LNX1: variants seen among roughly 807,000 people sequenced by gnomAD.
LNX1 encodes E3 ubiquitin-protein ligase LNX.
Under a neutral mutation model 68.4 loss-of-function variants are expected in LNX1, and 54 were observed. The observed-to-expected ratio is 0.79, with a 90% CI of 0.63 to 0.99. The LOEUF is 0.99. LNX1 is among the 50% of genes least tolerant of loss of function. The pLI is 0.00. For synonymous variants in LNX1, 336 were observed against 350.0 expected (o/e 0.96, Z 0.45); for missense variants, 906 against 926.4 (o/e 0.98, Z 0.29).
chr4:53,502,558 A>C (rs1250756844), intron 4 of LNX1, among the ~76,000 whole-genome samples: 2 of 152,196 alleles, frequency 1.3e-5, no homozygotes, highest in African/African-American at 4.8e-5. Context: ...CTGCTGACTG[A>C]TCACAGTGGT....
rs761253950 is a variant in LNX1, at chr4:53,496,266, G to A, written c.1107C>T (p.Ala369=). 11 of 1,613,978 alleles carry A rather than the reference G, an allele frequency of 6.8e-6. No individual in the cohort carries two copies. In the East Asian group the frequency reaches 1.8e-4, roughly 26 times the overall value. Residue 369 remains alanine (A), a synonymous_variant, in exon 6 of 11, where the codon GCC becomes GCT. Transcript: ENST00000263925. ...CATCTCGGGGTCTGTAGGCATCCGG[G>A]GCCTGTCCATTGTTCCTGCTGCGGA... ...QKFRSRNNGQ[A]PDAYRPRDDS...
chr4:53,492,153 T>C (rs950697694), intron 6 of LNX1, among the ~76,000 whole-genome samples: 8 of 152,144 alleles, frequency 5.3e-5, no homozygotes, highest in Non-Finnish European at 1.2e-4. Context: ...AAGAGTATTG[T>C]AGGATAAAGT....
intron 1 of LNX1, chr4:53,579,380 A>G (rs111392206): frequency 3.9e-5 from 21 of 539,872 alleles, no homozygotes; most frequent in African/African-American, 1.6e-4. Flanking sequence ...TTAGAGATAT[A>G]TGGAGCCAAA....
intron 6 of LNX1, among the ~76,000 whole-genome samples, chr4:53,486,891 A>G (rs1301928206): frequency 8.6e-5 from 13 of 151,802 alleles, no homozygotes; most frequent in Admixed American, 8.5e-4. Context: ...ATGAATCCAT[A>G]CAGTGACTAA....
intron 1 of LNX1, among the ~76,000 whole-genome samples, chr4:53,630,824 G>T (rs1467094578): frequency 2.6e-5 from 4 of 152,194 alleles, no homozygotes; most frequent in Admixed American, 2.0e-4. Flanking sequence ...TTCAGAATTT[G>T]CTAATTCAGT....
Position 53,568,299 on chromosome 4 carries a change from T to G in LNX1, c.380+5324A>C, listed in dbSNP as rs1045692531. Among the ~76,000 whole-genome samples, 15 of 151,614 alleles carry G rather than the reference T, an allele frequency of 9.9e-5. No individual in the cohort carries two copies. The East Asian group carries it at 2.7e-3, about 27-fold the overall frequency. ...AGCACATCAAAAAGCTTATCCACCA[T>G]GATCAAGTGGGCTTCATCCCTGGGA... On this transcript the variant is annotated intron_variant, in intron 2 of 10. Coordinates refer to ENST00000263925, the MANE Select transcript of LNX1 (RefSeq NM_001126328.3).
chr4:53,633,561 G>A (rs187297500), intron 1 of LNX1, among the ~76,000 whole-genome samples: 6 of 152,312 alleles, frequency 3.9e-5, no homozygotes, highest in African/African-American at 1.4e-4. Context: ...TTGCCAGCTA[G>A]GCAGAGTTAG....
intron 1 of LNX1, among the ~76,000 whole-genome samples, chr4:53,587,509 T>C (rs17083112): frequency 0.15 from 22,525 of 152,154 alleles, 1,759 homozygotes; most frequent in African/African-American, 0.18. Context: ...ACATAAATAT[T>C]AGGAATAGTT....
chr4:53,605,781 C>A (rs747660089), intron 2 of LNX1, among the ~76,000 whole-genome samples: 1 of 152,122 alleles, frequency 6.6e-6, no homozygotes, highest in Non-Finnish European at 1.5e-5. Context: ...GAATAATATT[C>A]CATTGTACAT....
intron 9 of LNX1, among the ~76,000 whole-genome samples, chr4:53,474,347 A>C (rs1221459368): frequency 6.6e-6 from 1 of 152,224 alleles, no homozygotes. Flanking sequence ...TGGTTTTATA[A>C]GTAAAATTTT....
chr4:53,591,193 G>T (rs1732484473), intron 1 of LNX1, among the ~76,000 whole-genome samples, 195 bp downstream of exon 1: 1 of 152,156 alleles, frequency 6.6e-6, no homozygotes, highest in South Asian at 2.1e-4. Flanking sequence ...TATCTGGCCT[G>T]GGAGAAGTTT....
chr4:53,639,282 G>A (rs1013000563), intron 1 of LNX1, among the ~76,000 whole-genome samples: 1 of 152,078 alleles, frequency 6.6e-6, no homozygotes, highest in Non-Finnish European at 1.5e-5. Context: ...GCTAAACATT[G>A]GGTGCTCATG....
At chr4:53,498,389 A>G (rs1238938744) in intron 5 of LNX1, among the ~76,000 whole-genome samples, 1 of 152,218 alleles carries the variant, frequency 6.6e-6, no homozygotes, top group Non-Finnish European at 1.5e-5. Context: ...GAGTGGACAG[A>G]CAAAATGATA....
At chr4:53,614,664 A>G (rs1279451121) in intron 2 of LNX1, among the ~76,000 whole-genome samples, 1 of 152,252 alleles carries the variant, frequency 6.6e-6, no homozygotes, top group African/African-American at 2.4e-5. Context: ...AGGGTCTAAT[A>G]AAAGTAATAA....
intron 9 of LNX1, among the ~76,000 whole-genome samples, chr4:53,466,648 G>C (rs1722706366): frequency 6.6e-6 from 1 of 152,208 alleles, no homozygotes; most frequent in South Asian, 2.1e-4. Context: ...CTAATACTGT[G>C]CTGTTCCAAT....
At chr4:53,467,073 C>A (rs1324447280) in intron 9 of LNX1, among the ~76,000 whole-genome samples, 1 of 152,150 alleles carries the variant, frequency 6.6e-6, no homozygotes, top group Non-Finnish European at 1.5e-5. Context: ...CCCCGAGTAG[C>A]CTAACTGGGA....
At chr4:53,470,498 G>C (rs1389270450) in intron 9 of LNX1, among the ~76,000 whole-genome samples, 1 of 152,278 alleles carries the variant, frequency 6.6e-6, no homozygotes, top group East Asian at 1.9e-4. Context: ...AGGGCAATCA[G>C]GAAGGAGAAG....
At chr4:53,520,140 A>T (rs1727107255) in intron 2 of LNX1, among the ~76,000 whole-genome samples, 1 of 152,208 alleles carries the variant, frequency 6.6e-6, no homozygotes, top group African/African-American at 2.4e-5. Context: ...ATCTGGTACT[A>T]AGATGGGTGT....
intron 2 of LNX1, among the ~76,000 whole-genome samples, chr4:53,542,083 AAG>A (rs1728801183): frequency 6.6e-6 from 1 of 152,246 alleles, no homozygotes. Context: ...GGGATGTCAG[AAG>A]ACTGGAACAA....
Sources: gnomAD v4.1 joint callset for allele counts (sites outside exome capture counted in the v4.1 genomes callset) on GRCh38, gnomAD v4.1.1 for gene constraint, MANE v1.5 for transcripts, NCBI Gene and HGNC (gene_info 2026-07-23, HGNC 2026-07-21) for gene names.